DPH7: variants seen among roughly 807,000 people sequenced by gnomAD.
The protein encoded by DPH7 is diphthine methyltransferase.
DPH7 carries 44 observed loss-of-function variants against 41.7 expected under a neutral mutation model. The ratio of observed to expected loss-of-function variants is 1.05; its 90% CI spans 0.83 to 1.36. The LOEUF is 1.36. Among genes scored for constraint, DPH7 ranks in the 40% most tolerant of loss-of-function variants. DPH7 has a pLI of 0.00. For missense variants in DPH7, 629 were observed against 577.5 expected (o/e 1.09, Z -0.91); for synonymous variants, 275 against 238.0 (o/e 1.16, Z -1.43).
At chr9:137,563,631 T>C (rs538498426) in intron 8 of DPH7, among the ~76,000 whole-genome samples, 2 of 150,044 alleles carry the variant, frequency 1.3e-5, no homozygotes, top group African/African-American at 4.9e-5. Context: ...TGGGAACAGG[T>C]GTGGGTCACC....
At position 137,574,795 on chromosome 9, in the gene DPH7, A is replaced by C; in HGVS notation, c.424T>G (p.Cys142Gly). 1.9e-6 allele frequency: 3 copies of C among 1,614,058 alleles called. No individual in the cohort carries two copies. The highest frequency in any genetic ancestry group is 2.5e-6 in the Non-Finnish European group (3 of 1,180,012). The part of the protein sequence containing the change: ...PLSSLALEEQ[C>G]LALSLDWSTG... The stretch of plus-strand genomic sequence containing the variant: ...GACCAATCTAGGGACAAAGCCAGAC[A>C]CTGCTCCTCCAGGGCAAGGCTGGAC... The change falls in exon 4 of 9, where the codon TGT (cysteine) becomes GGT (glycine). Residue 142 changes from cysteine to glycine, a missense_variant. Coordinates refer to ENST00000277540, the MANE Select transcript of DPH7 (RefSeq NM_138778.5).
intron 1 of DPH7, chr9:137,577,864 G>C (rs1841696458): frequency 1.3e-6 from 1 of 749,744 alleles, no homozygotes; most frequent in Non-Finnish European, 1.6e-6. Context: ...AACCCAGTTT[G>C]CCTGGGACAG....
chr9:137,563,348 T>C (rs530220609), intron 8 of DPH7, among the ~76,000 whole-genome samples: 2 of 151,808 alleles, frequency 1.3e-5, no homozygotes, highest in East Asian at 3.9e-4. Context: ...CTGACCAACA[T>C]GGTGAACCCC....
intron 1 of DPH7, chr9:137,578,054 G>T (rs536706457): frequency 1.1e-5 from 10 of 931,762 alleles, no homozygotes; most frequent in Non-Finnish European, 9.0e-6. Flanking sequence ...GCGGTGGCTC[G>T]TGCCTGTGGT....
At chr9:137,560,484 G>T (rs1588813003) in intron 8 of DPH7, among the ~76,000 whole-genome samples, 1 of 152,174 alleles carries the variant, frequency 6.6e-6, no homozygotes, top group African/African-American at 2.4e-5. Flanking sequence ...ACTTTGGGAG[G>T]CCGAGGCAGG....
chr9:137,565,015 C>A, intron 6 of DPH7, 57 bp from the exon 7 acceptor site: 1 of 1,608,332 alleles, frequency 6.2e-7, no homozygotes, highest in Admixed American at 1.7e-5. Flanking sequence ...ACCCAGGGAA[C>A]GGGAGGGCTG....
At chr9:137,575,710 T>A in intron 3 of DPH7, 1 of 1,060,154 alleles carries the variant, frequency 9.4e-7, no homozygotes, top group Non-Finnish European at 1.1e-6. Flanking sequence ...AGGACTCACG[T>A]GCTTTTCCAA....
At chr9:137,564,854 A>G (rs1347222871) in intron 7 of DPH7, 39 bp downstream of exon 7, 1 of 1,570,976 alleles carries the variant, frequency 6.4e-7, no homozygotes, top group Non-Finnish European at 8.6e-7. Context: ...GGGACAGCGA[A>G]AGAGACGAGA....
Position 137,564,504 on chromosome 9 carries a change from G to T in DPH7, c.879C>A (p.Phe293Leu). The change falls in exon 8 of 9, where the codon TTC (phenylalanine) becomes TTA (leucine). Residue 293 changes from phenylalanine to leucine, a missense_variant. By Grantham distance (22) the Phe-to-Leu change is conservative. Coordinates refer to ENST00000277540, the MANE Select transcript of DPH7 (RefSeq NM_138778.5). ...AGGCGGCCAGGAGCAGGTGGTGGTGGAAAGGGTGCCACTTGATTCTCCATA... is the reference window on the plus strand; with the variant it reads ...AGGCGGCCAGGAGCAGGTGGTGGTGTAAAGGGTGCCACTTGATTCTCCATA... The part of the protein sequence containing the change: ...GGVWRIKWHP[F>L]HHHLLLAACM... 6.2e-7 allele frequency: 1 copy of T among 1,614,124 alleles called. No homozygotes were observed.
intron 2 of DPH7, among the ~76,000 whole-genome samples, chr9:137,576,579 TAACA>T (rs1312801316): frequency 2.6e-5 from 4 of 152,016 alleles, no homozygotes; most frequent in East Asian, 3.9e-4. Context: ...TTCTACAAAC[TAACA>T]AACAAACAAA....
chr9:137,577,571 A>G lies in DPH7; in HGVS notation c.186T>C (p.Arg62=). Residue 62 remains arginine (R), a synonymous_variant, in exon 2 of 9, where the codon CGT becomes CGC. Transcript: ENST00000277540. ...AACTGTACAGGAAGAGACGGCCTAAACGGACCTGAGGCTCCTTAACTTCCA... is the reference window on the plus strand; with the variant it reads ...AACTGTACAGGAAGAGACGGCCTAAGCGGACCTGAGGCTCCTTAACTTCCA... The part of the protein sequence containing the change: ...GGMEVKEPQV[R]LGRLFLYSFN... The G allele has an allele frequency of 1.2e-6, 2 of 1,614,064 alleles. No homozygotes were observed. The highest frequency in any genetic ancestry group is 1.3e-5 in the African/African-American group (1 of 75,056).
chr9:137,577,939 A>G (rs146055179), intron 1 of DPH7: 1 of 982,814 alleles, frequency 1.0e-6, no homozygotes. Flanking sequence ...CCAGAAGTTA[A>G]GATATAATTC....
chr9:137,557,440 A>T (rs942124178), intron 8 of DPH7, among the ~76,000 whole-genome samples: 1 of 152,028 alleles, frequency 6.6e-6, no homozygotes, highest in Non-Finnish European at 1.5e-5. Flanking sequence ...TGGGAGGTGG[A>T]GGTTGCATGA....
chr9:137,574,878 T>G (rs531406563), intron 3 of DPH7, 35 bp from the exon 4 acceptor site: 1 of 1,611,840 alleles, frequency 6.2e-7, no homozygotes. Context: ...CAAAGGGAAG[T>G]AGCCGCCCCA....
Position 137,577,607 on chromosome 9 carries a change from C to T in DPH7, c.154-4G>A. The T allele has an allele frequency of 1.2e-6, 2 of 1,610,386 alleles. No individual in the cohort carries two copies. Among genetic ancestry groups the T allele is most frequent in the Non-Finnish European group, 8.5e-7 (1 of 1,178,732 alleles). ...GCTCCTTAACTTCCATTCCACCCTA[C>T]AAAAAATGCAGAGGTAGTCTCTGAT... is the stretch of plus-strand genomic sequence containing the variant. On this transcript the variant is annotated splice_region_variant and splice_polypyrimidine_tract_variant and intron_variant, in intron 1 of 8. Transcript: ENST00000277540.
chr9:137,574,442 C>G, intron 4 of DPH7, 62 bp from the exon 5 acceptor site: 1 of 1,569,664 alleles, frequency 6.4e-7, no homozygotes, highest in Non-Finnish European at 8.7e-7. Flanking sequence ...TCTTCTGGTT[C>G]CCAAACAAGT....
At chr9:137,574,963 C>T (rs750507246) in intron 3 of DPH7, 120 bp from the exon 4 acceptor site, 125 of 1,507,580 alleles carry the variant, frequency 8.3e-5, no homozygotes, top group Non-Finnish European at 1.0e-4. Flanking sequence ...GAATGAAGTA[C>T]ATCAGTCACT....
chr9:137,576,756 G>A (rs1052131458), intron 2 of DPH7, among the ~76,000 whole-genome samples: 3 of 152,188 alleles, frequency 2.0e-5, no homozygotes, highest in Non-Finnish European at 4.4e-5. Flanking sequence ...CGGGTGTGGT[G>A]GCGGGCGCCT....
chr9:137,562,663 G>A (rs1045330087), intron 8 of DPH7, among the ~76,000 whole-genome samples: 1 of 152,188 alleles, frequency 6.6e-6, no homozygotes, highest in African/African-American at 2.4e-5. Context: ...CTACTCGGGA[G>A]GCTGAGGTGG....
Sources: gnomAD v4.1 joint callset for allele counts (sites outside exome capture counted in the v4.1 genomes callset) on GRCh38, gnomAD v4.1.1 for gene constraint, MANE v1.5 for transcripts, NCBI Gene and HGNC (gene_info 2026-07-23, HGNC 2026-07-21) for gene names.